The following CPED1 variants were observed in gnomAD, a reference collection of about 807,000 sequenced individuals.
CPED1 encodes cadherin-like and PC-esterase domain-containing protein 1.
In CPED1, 114 loss-of-function variants were observed where a neutral mutation model predicts 128.2. That is an observed-to-expected ratio of 0.89 (90% confidence interval 0.76 to 1.04). The LOEUF (loss-of-function observed/expected upper bound fraction) is 1.04. Ranked by LOEUF, CPED1 falls within the 50% of genes least tolerant of loss-of-function variation. CPED1 has a pLI of 0.00. For missense variants in CPED1, 1,211 were observed against 1,207.1 expected, an observed-to-expected ratio of 1.00 and a Z score of -0.05; for synonymous variants, 462 against 426.7, an observed-to-expected ratio of 1.08 and a Z score of -1.02.
At chr7:121,268,966 T>C (rs1233256245) in intron 21 of CPED1, among the ~76,000 whole-genome samples, 5 of 151,890 alleles carry the variant, frequency 3.3e-5, no homozygotes, top group South Asian at 4.2e-4. Flanking sequence ...TGGCTGTCTG[T>C]CTCCTCTGCT....
At chr7:121,144,208 A>G (rs1398551519) in intron 16 of CPED1, among the ~76,000 whole-genome samples, 1 of 152,096 alleles carries the variant, frequency 6.6e-6, no homozygotes, top group Non-Finnish European at 1.5e-5. Flanking sequence ...AAATAAAGGA[A>G]ATCAGTATAT....
intron 16 of CPED1, among the ~76,000 whole-genome samples, chr7:121,150,325 A>G (rs1426537754): frequency 4.0e-5 from 6 of 151,782 alleles, no homozygotes; most frequent in Non-Finnish European, 7.4e-5. Context: ...TCCTGCATCA[A>G]TTCCCTTAGG....
rs528944925 is a variant in CPED1, at chr7:121,252,187, A to T, written c.2310+7849A>T. On this transcript the variant is annotated intron_variant, in intron 18 of 22. Transcript: ENST00000310396. Reference sequence around the variant, plus strand: ...TATCTACAACTATCTGATCTTTGACAAACCTGACAAAAACAAGCAATGGGG... The same window carrying T: ...TATCTACAACTATCTGATCTTTGACTAACCTGACAAAAACAAGCAATGGGG... 4.6e-4 allele frequency among the ~76,000 whole-genome samples: 70 copies of T among 151,532 alleles called. 3 individuals are homozygous for T. Among genetic ancestry groups the T allele is most frequent in the Admixed American group, 4.5e-3 (69 of 15,252 alleles).
At chr7:121,181,711 A>G (rs1355063180) in intron 16 of CPED1, among the ~76,000 whole-genome samples, 1 of 152,096 alleles carries the variant, frequency 6.6e-6, no homozygotes, top group Non-Finnish European at 1.5e-5. Flanking sequence ...AAATTGTTAA[A>G]ACCTATATCA....
intron 3 of CPED1, among the ~76,000 whole-genome samples, chr7:121,026,832 T>G (rs1303720582): frequency 7.1e-6 from 1 of 139,872 alleles, no homozygotes; most frequent in African/African-American, 2.6e-5. Flanking sequence ...CAGTTCTTTT[T>G]TTTTTTTTTT....
At chr7:121,148,931 A>G (rs1455275615) in intron 16 of CPED1, among the ~76,000 whole-genome samples, 1 of 152,160 alleles carries the variant, frequency 6.6e-6, no homozygotes, top group Non-Finnish European at 1.5e-5. Context: ...AAAATATCAC[A>G]TGCTGTATGC....
chr7:121,244,439 GC>G, intron 18 of CPED1, 101 bp downstream of exon 18: 1 of 1,287,246 alleles, frequency 7.8e-7, no homozygotes, highest in Non-Finnish European at 1.1e-6. Context: ...CTGTCTCACA[GC>G]AGAGGAAAAC....
At chr7:121,254,849 AAAGG>A (rs1399763042) in intron 18 of CPED1, among the ~76,000 whole-genome samples, 1 of 151,940 alleles carries the variant, frequency 6.6e-6, no homozygotes, top group Non-Finnish European at 1.5e-5. Context: ...CCAAAATTGA[AAAGG>A]AAGAGATCAA....
At chr7:120,997,995 G>A (rs1332343178) in intron 2 of CPED1, among the ~76,000 whole-genome samples, 1 of 151,042 alleles carries the variant, frequency 6.6e-6, no homozygotes, top group African/African-American at 2.4e-5. Context: ...AAAAAGAAGA[G>A]GACAGCATAG....
chr7:121,098,747 A>AT (rs1164776896), intron 6 of CPED1, among the ~76,000 whole-genome samples: 125 of 9,180 alleles, frequency 0.014, 4 homozygotes, highest in African/African-American at 0.017. Context: ...TATATATAAA[A>AT]ATATATAAAA....
chr7:121,231,931 C>G (rs1042712795), intron 16 of CPED1, among the ~76,000 whole-genome samples: 1 of 151,984 alleles, frequency 6.6e-6, no homozygotes, highest in Non-Finnish European at 1.5e-5. Context: ...CCATACAGAC[C>G]TTTGATAGCA....
rs138983201 is a variant in CPED1, at chr7:121,000,885, C to T, written c.249+11015C>T. 1.9e-3 allele frequency among the ~76,000 whole-genome samples: 284 copies of T among 152,150 alleles called. 1 individual carries two copies. The highest frequency in any genetic ancestry group is 6.4e-3 in the African/African-American group (265 of 41,510). On this transcript the variant is annotated intron_variant, in intron 2 of 22. Coordinates refer to ENST00000310396, the MANE Select transcript of CPED1 (RefSeq NM_024913.5). Reference sequence around the variant, plus strand: ...AATCCTCAGTTCTCTTGTTGGAAAACGTAACTAACCCCTATTTGTGGGAAC... The same window carrying T: ...AATCCTCAGTTCTCTTGTTGGAAAATGTAACTAACCCCTATTTGTGGGAAC...
At chr7:121,176,135 C>A (rs552830030) in intron 16 of CPED1, among the ~76,000 whole-genome samples, 1 of 141,934 alleles carries the variant, frequency 7.0e-6, no homozygotes, top group African/African-American at 2.7e-5. Flanking sequence ...ATAAATAACT[C>A]GAGAGTTTTA....
intron 22 of CPED1, among the ~76,000 whole-genome samples, chr7:121,292,967 A>C (rs1337846929): frequency 6.6e-6 from 1 of 152,088 alleles, no homozygotes; most frequent in Non-Finnish European, 1.5e-5. Context: ...CCCCTGCTGG[A>C]AAATGTCTCC....
chr7:121,087,665 C>CTTTTTTTTTTTTTTT lies in CPED1; in HGVS notation c.617-10033_617-10032insTTTTTTTTTTTTTTT, dbSNP rs72453872. On this transcript the variant is annotated intron_variant, in intron 5 of 22. Coordinates refer to ENST00000310396, the MANE Select transcript of CPED1 (RefSeq NM_024913.5). ...GGATTCTTTCTTTTTCTTTTCTTTC[C>CTTTTTTTTTTTTTTT]TGTTTTTTTTTTTTTGGCAGAGTCT... Among the ~76,000 whole-genome samples the CTTTTTTTTTTTTTTT allele has an allele frequency of 6.2e-4, 81 of 131,534 alleles. 7 individuals carry two copies. Among genetic ancestry groups the CTTTTTTTTTTTTTTT allele is most frequent in the African/African-American group, 2.2e-3 (70 of 31,752 alleles). 86.3% of individuals were successfully genotyped at this position (131,534 alleles called of 152,430 possible). A position where few individuals can be genotyped will look rare whatever the true frequency, so the allele number is the denominator to read the frequency against.
chr7:121,150,727 T>A (rs1424467952), intron 16 of CPED1, among the ~76,000 whole-genome samples: 1 of 150,158 alleles, frequency 6.7e-6, no homozygotes. Flanking sequence ...TAAGTCCTTT[T>A]CCCACAGCCA....
At chr7:121,226,224 C>G (rs183357708) in intron 16 of CPED1, among the ~76,000 whole-genome samples, 1 of 152,044 alleles carries the variant, frequency 6.6e-6, no homozygotes, top group Non-Finnish European at 1.5e-5. Flanking sequence ...AGCTTTTCTT[C>G]TAACAATCAG....
chr7:121,261,854 G>C, intron 18 of CPED1: 1 of 776,906 alleles, frequency 1.3e-6, no homozygotes, highest in Non-Finnish European at 2.1e-6. Flanking sequence ...CCTAATACAG[G>C]GACTATGCAA....
chr7:121,249,426 G>C (rs1389108358), intron 18 of CPED1, among the ~76,000 whole-genome samples: 1 of 152,148 alleles, frequency 6.6e-6, no homozygotes, highest in Non-Finnish European at 1.5e-5. Context: ...CAGCTTGCTA[G>C]AGAGAAGGGT....
Sources: gnomAD v4.1 joint callset for allele counts (sites outside exome capture counted in the v4.1 genomes callset) on GRCh38, gnomAD v4.1.1 for gene constraint, MANE v1.5 for transcripts, NCBI Gene and HGNC (gene_info 2026-07-23, HGNC 2026-07-21) for gene names.